Variants in FRMD3 observed in about 807,000 individuals in gnomAD.
FRMD3 encodes the protein FERM domain containing 3, also known as FERM domain-containing protein 3.
In FRMD3, 33 loss-of-function variants were observed where a neutral mutation model predicts 70.2. The ratio of observed to expected loss-of-function variants is 0.47; its 90% CI spans 0.36 to 0.63. The LOEUF (loss-of-function observed/expected upper bound fraction) is 0.63. FRMD3 is among the 20% of genes least tolerant of loss of function. The probability of loss-of-function intolerance (pLI) is 0.00; values close to 1 mark genes in which losing one functional copy is unlikely to be tolerated. For missense variants in FRMD3, 632 were observed against 711.4 expected, an observed-to-expected ratio of 0.89 and a Z score of 1.27; for synonymous variants, 279 against 255.9, an observed-to-expected ratio of 1.09 and a Z score of -0.86.
intron 12 of FRMD3, among the ~76,000 whole-genome samples, chr9:83,298,208 G>T (rs1431378510): frequency 6.6e-6 from 1 of 152,232 alleles, no homozygotes; most frequent in African/African-American, 2.4e-5. Context: ...TGTGTAAATT[G>T]TGGTAGTGTG....
At chr9:83,539,948 GA>G (rs1829979554), upstream of FRMD3, among the ~76,000 whole-genome samples, 1 of 152,210 alleles carries the variant, frequency 6.6e-6, no homozygotes, top group Non-Finnish European at 1.5e-5. Flanking sequence ...TCCTGATGGA[GA>G]GGTCAGTATT....
At chr9:83,386,203 T>C (rs570070470) in intron 2 of FRMD3, among the ~76,000 whole-genome samples, 1 of 152,334 alleles carries the variant, frequency 6.6e-6, no homozygotes, top group East Asian at 1.9e-4. Flanking sequence ...ATGGGATTTT[T>C]AATTCATATC....
intron 13 of FRMD3, among the ~76,000 whole-genome samples, chr9:83,270,551 G>C (rs760442333): frequency 6.6e-6 from 1 of 152,216 alleles, no homozygotes; most frequent in Non-Finnish European, 1.5e-5. Context: ...GCCTAACATA[G>C]AGCTGGCTCC....
downstream of FRMD3, chr9:83,244,619 A>C: frequency 1.0e-6 from 1 of 977,572 alleles, no homozygotes; most frequent in Non-Finnish European, 1.2e-6. Context: ...TGATTGCAAA[A>C]AATTTTACCC....
chr9:83,256,799 C>G (rs1832729096), intron 13 of FRMD3, among the ~76,000 whole-genome samples: 1 of 151,918 alleles, frequency 6.6e-6, no homozygotes, highest in Non-Finnish European at 1.5e-5. Flanking sequence ...AAATGCAAAT[C>G]AAAACCACAA....
chr9:83,352,662 G>A (rs1247648470), intron 3 of FRMD3, among the ~76,000 whole-genome samples: 2 of 152,202 alleles, frequency 1.3e-5, no homozygotes, highest in Non-Finnish European at 2.9e-5. Flanking sequence ...TAAACATCCT[G>A]GTCCTCTTCA....
chr9:83,313,785 G>GA, intron 6 of FRMD3, 38 bp from the exon 7 acceptor site: 1 of 1,450,972 alleles, frequency 6.9e-7, no homozygotes, highest in African/African-American at 1.4e-5. Context: ...AGTTAAAATG[G>GA]AAAAGAATAG....
chr9:83,498,330 C>T (rs1370969146), intron 1 of FRMD3, among the ~76,000 whole-genome samples: 1 of 152,124 alleles, frequency 6.6e-6, no homozygotes, highest in Non-Finnish European at 1.5e-5. Context: ...ATGTAGAGAC[C>T]AAACTTGACA....
intron 6 of FRMD3, among the ~76,000 whole-genome samples, chr9:83,335,241 G>T (rs1823537229): frequency 6.6e-6 from 1 of 152,196 alleles, no homozygotes; most frequent in East Asian, 1.9e-4. Flanking sequence ...GAAGCTCAGG[G>T]TGTTTAGAAA....
Position 83,491,500 on chromosome 9 carries a change from C to A in FRMD3, c.147+46585G>T, listed in dbSNP as rs1828824302. Among the ~76,000 whole-genome samples, 5 of 152,272 alleles carry A rather than the reference C, an allele frequency of 3.3e-5. No individual in the cohort carries two copies. The South Asian group carries it at 1.0e-3, about 32-fold the overall frequency. Reference sequence around the variant, plus strand: ...GAATCCTCAGGACACAGGCAGGCCACAAGCCTTTCGACCACCTGGGAGAGA... The same window carrying A: ...GAATCCTCAGGACACAGGCAGGCCAAAAGCCTTTCGACCACCTGGGAGAGA... On this transcript the variant is annotated intron_variant, in intron 1 of 13. Transcript: ENST00000304195.
chr9:83,362,131 A>G (rs139731798), intron 3 of FRMD3, among the ~76,000 whole-genome samples: 112 of 151,958 alleles, frequency 7.4e-4, no homozygotes, highest in East Asian at 2.9e-3. Flanking sequence ...CCTCATGAGT[A>G]TGAGACCTGT....
chr9:83,344,614 C>G (rs535157087), intron 4 of FRMD3, among the ~76,000 whole-genome samples: 5 of 152,256 alleles, frequency 3.3e-5, no homozygotes, highest in African/African-American at 9.6e-5. Context: ...CCTCAGTGTT[C>G]CTGGTTCTCA....
At chr9:83,267,153 T>TG (rs1833304417) in intron 13 of FRMD3, 2 of 1,550,416 alleles carry the variant, frequency 1.3e-6, no homozygotes, top group South Asian at 2.4e-5. Flanking sequence ...GTTATTCCAA[T>TG]CCCCTTGGTC....
At chr9:83,492,075 G>T (rs1434268955) in intron 1 of FRMD3, among the ~76,000 whole-genome samples, 3 of 152,094 alleles carry the variant, frequency 2.0e-5, no homozygotes, top group Non-Finnish European at 2.9e-5. Flanking sequence ...CACACCCTGG[G>T]CCCCCAAGGG....
At chr9:83,495,127 T>C (rs1056152630) in intron 1 of FRMD3, among the ~76,000 whole-genome samples, 2 of 152,176 alleles carry the variant, frequency 1.3e-5, no homozygotes, top group Admixed American at 6.5e-5. Context: ...TTTGTCATGA[T>C]TGCACTCTCT....
At chr9:83,421,768 G>A (rs1826650488) in intron 1 of FRMD3, among the ~76,000 whole-genome samples, 3 of 152,186 alleles carry the variant, frequency 2.0e-5, no homozygotes, top group Admixed American at 6.5e-5. Context: ...TTTCTGAGTA[G>A]CATAATTATG....
At chr9:83,513,332 G>A (rs1458869072) in intron 1 of FRMD3, among the ~76,000 whole-genome samples, 1 of 152,224 alleles carries the variant, frequency 6.6e-6, no homozygotes, top group East Asian at 1.9e-4. Flanking sequence ...AATATCTGCA[G>A]AGAGTACTAA....
At chr9:83,392,737 A>T (rs751896529) in intron 1 of FRMD3, among the ~76,000 whole-genome samples, 13 of 152,194 alleles carry the variant, frequency 8.5e-5, no homozygotes, top group African/African-American at 2.4e-4. Context: ...AGACAATAGC[A>T]TCCTGGTATT....
chr9:83,284,983 G>A (rs930561396), intron 13 of FRMD3, among the ~76,000 whole-genome samples: 4 of 151,276 alleles, frequency 2.6e-5, no homozygotes, highest in African/African-American at 7.3e-5. Context: ...CCAGTGACCT[G>A]TTATGTGTTC....
Sources: allele counts gnomAD v4.1 joint callset (sites outside exome capture counted in the v4.1 genomes callset), GRCh38; gene constraint gnomAD v4.1.1; transcripts MANE v1.5; gene names NCBI Gene and HGNC (gene_info 2026-07-23, HGNC 2026-07-21).